The following FCHO2 variants were observed in gnomAD, a reference collection of about 807,000 sequenced individuals.
FCHO2 encodes the protein F-BAR domain only protein 2.
A neutral mutation model predicts 114.1 loss-of-function variants in FCHO2; 43 were observed. The observed-to-expected ratio is 0.38, with a 90% CI of 0.30 to 0.49. FCHO2 has a LOEUF of 0.49. Among genes scored for constraint, FCHO2 ranks in the 20% least tolerant of loss-of-function variants. The probability of loss-of-function intolerance (pLI) is 0.97; values close to 1 mark genes in which losing one functional copy is unlikely to be tolerated. For synonymous variants in FCHO2, 293 were observed against 315.2 expected, an observed-to-expected ratio of 0.93 and a Z score of 0.75; for missense variants, 807 against 950.4, an observed-to-expected ratio of 0.85 and a Z score of 1.98.
chr5:73,038,737 C>T (rs552234673), intron 10 of FCHO2, among the ~76,000 whole-genome samples: 2 of 152,142 alleles, frequency 1.3e-5, no homozygotes, highest in Non-Finnish European at 2.9e-5. Flanking sequence ...TCATCTATAT[C>T]TATAGTTATC....
chr5:73,034,821 C>A, intron 9 of FCHO2, 120 bp downstream of exon 9: 1 of 689,384 alleles, frequency 1.5e-6, no homozygotes, highest in Non-Finnish European at 2.2e-6. Context: ...GAATGGAATG[C>A]TGTAAAAATC....
At chr5:72,992,609 G>C (rs1418746041) in intron 5 of FCHO2, among the ~76,000 whole-genome samples, 3 of 151,004 alleles carry the variant, frequency 2.0e-5, no homozygotes, top group Non-Finnish European at 4.4e-5. Context: ...AGGGAGAAAA[G>C]AAGGCTCTTG....
At chr5:73,013,892 G>A (rs934937337) in intron 6 of FCHO2, among the ~76,000 whole-genome samples, 2 of 152,016 alleles carry the variant, frequency 1.3e-5, no homozygotes, top group African/African-American at 4.8e-5. Flanking sequence ...CACCATGTTG[G>A]CCAGGCTGGT....
intron 2 of FCHO2, among the ~76,000 whole-genome samples, chr5:72,975,737 T>C (rs1245470830): frequency 1.3e-5 from 2 of 152,166 alleles, no homozygotes; most frequent in Non-Finnish European, 2.9e-5. Context: ...ACTCCTGACC[T>C]CAGGTGATCC....
chr5:72,981,425 G>A (rs1451799924), intron 2 of FCHO2, among the ~76,000 whole-genome samples: 1 of 152,004 alleles, frequency 6.6e-6, no homozygotes, highest in East Asian at 1.9e-4. Flanking sequence ...ACGTGTCTTG[G>A]GGTTGCTCTT....
chr5:73,029,512 T>C (rs1053242985), intron 8 of FCHO2, among the ~76,000 whole-genome samples: 4 of 152,220 alleles, frequency 2.6e-5, no homozygotes, highest in African/African-American at 4.8e-5. Flanking sequence ...ATTTTTCTCA[T>C]AGTTTTCAAG....
intron 8 of FCHO2, among the ~76,000 whole-genome samples, chr5:73,018,035 G>T (rs1424808031): frequency 6.6e-6 from 1 of 152,024 alleles, no homozygotes; most frequent in Non-Finnish European, 1.5e-5. Context: ...TCATGTTCTT[G>T]CAAGATACAT....
intron 11 of FCHO2, among the ~76,000 whole-genome samples, chr5:73,043,460 T>C (rs953463207): frequency 2.6e-5 from 4 of 152,062 alleles, no homozygotes; most frequent in African/African-American, 4.8e-5. Context: ...TGTATACATA[T>C]ACACACATAT....
At position 73,058,499 on chromosome 5, in the gene FCHO2, ATCT is replaced by A; in HGVS notation, c.1323_1325del (p.Ser442del). 1 of 1,505,914 alleles carries A rather than the reference ATCT, an allele frequency of 6.6e-7. No homozygotes were observed. Among genetic ancestry groups the A allele is most frequent in the South Asian group, 1.2e-5 (1 of 81,202 alleles). The allele number at this position is 1,505,914 out of a possible 1,614,324, so 93.3% of individuals were successfully genotyped here. A position where few individuals can be genotyped will look rare whatever the true frequency, so the allele number is the denominator to read the frequency against. ...GACCATCTCTTGATTCATCTTCTTC[ATCT>A]TCACTAACTTCATCATCATCAGGTA... On this transcript the variant is annotated inframe_deletion, in exon 17 of 26. Transcript: ENST00000430046.
chr5:73,075,915 CTAGAGA>C (rs1382670765), intron 20 of FCHO2, among the ~76,000 whole-genome samples: 2 of 151,852 alleles, frequency 1.3e-5, no homozygotes, highest in African/African-American at 2.4e-5. Flanking sequence ...TAAGTCTAGG[CTAGAGA>C]TAAAATACTT....
intron 2 of FCHO2, among the ~76,000 whole-genome samples, chr5:72,980,903 C>A (rs1561419340): frequency 6.6e-6 from 1 of 152,032 alleles, no homozygotes; most frequent in East Asian, 1.9e-4. Context: ...ATCCAATTTG[C>A]GAGTCTTTGT....
At chr5:73,034,734 A>G (rs760566577) in intron 9 of FCHO2, 33 bp downstream of exon 9, 11 of 1,529,414 alleles carry the variant, frequency 7.2e-6, no homozygotes, top group Non-Finnish European at 8.0e-6. Flanking sequence ...GTTAATGCAC[A>G]TGGCAGCTAG....
intron 8 of FCHO2, among the ~76,000 whole-genome samples, chr5:73,028,646 C>CTTTTTTTTT (rs1177312773): frequency 4.5e-5 from 5 of 112,148 alleles, no homozygotes; most frequent in Non-Finnish European, 7.3e-5. Flanking sequence ...TTATATGATT[C>CTTTTTTTTT]TTTTTTTTTT....
intron 8 of FCHO2, among the ~76,000 whole-genome samples, chr5:73,030,242 A>G (rs1756164072): frequency 6.6e-6 from 1 of 151,820 alleles, no homozygotes; most frequent in Admixed American, 6.6e-5. Flanking sequence ...GGTTTTCACC[A>G]TGTTGGCCAG....
intron 5 of FCHO2, among the ~76,000 whole-genome samples, chr5:73,003,244 G>A (rs1251953340): frequency 6.6e-6 from 1 of 152,062 alleles, no homozygotes; most frequent in Non-Finnish European, 1.5e-5. Context: ...GAACTCCTGG[G>A]CTCAAACTAT....
chr5:73,037,057 G>A, intron 9 of FCHO2, 86 bp from the exon 10 acceptor site: 1 of 857,418 alleles, frequency 1.2e-6, no homozygotes. Flanking sequence ...AGCAAATTAT[G>A]TGTGAGGATG....
At chr5:73,012,240 T>C (rs1259338921) in intron 6 of FCHO2, among the ~76,000 whole-genome samples, 4 of 152,134 alleles carry the variant, frequency 2.6e-5, no homozygotes, top group Non-Finnish European at 5.9e-5. Context: ...AGTTTTCATA[T>C]CTATTATAAT....
chr5:73,029,762 G>A (rs1017412494), intron 8 of FCHO2, among the ~76,000 whole-genome samples: 4 of 152,090 alleles, frequency 2.6e-5, no homozygotes, highest in Non-Finnish European at 4.4e-5. Context: ...GGAGGTCCCA[G>A]ACACTCTTAA....
intron 19 of FCHO2, among the ~76,000 whole-genome samples, chr5:73,072,211 C>G (rs1022247900): frequency 2.0e-5 from 3 of 151,728 alleles, no homozygotes; most frequent in Non-Finnish European, 4.4e-5. Flanking sequence ...ATATTAATTT[C>G]ATATTTAAGA....
Sources: gnomAD v4.1 joint callset for allele counts (sites outside exome capture counted in the v4.1 genomes callset) on GRCh38, gnomAD v4.1.1 for gene constraint, MANE v1.5 for transcripts, NCBI Gene and HGNC (gene_info 2026-07-23, HGNC 2026-07-21) for gene names.